Variants in SGCD observed in about 807,000 individuals in gnomAD.
SGCD encodes sarcoglycan delta.
SGCD carries 18 observed loss-of-function variants against 36.6 expected under a neutral mutation model. The observed-to-expected ratio is 0.49, with a 90% CI of 0.34 to 0.73. The LOEUF (loss-of-function observed/expected upper bound fraction) is 0.73. SGCD is among the 30% of genes least tolerant of loss of function. The probability of loss-of-function intolerance (pLI) is 0.01; values close to 1 mark genes in which losing one functional copy is unlikely to be tolerated. For synonymous variants in SGCD, 133 were observed against 130.6 expected (o/e 1.02, Z -0.12); for missense variants, 387 against 346.7 (o/e 1.12, Z -0.92).
the SGCD span, among the ~76,000 whole-genome samples, chr5:155,764,671 C>A: frequency 6.6e-6 from 1 of 152,044 alleles, no homozygotes; most frequent in Admixed American, 6.6e-5. Context: ...GACCAACCTC[C>A]GCATCTGTAG....
chr5:155,748,706 A>G, the SGCD span, among the ~76,000 whole-genome samples: 2 of 152,196 alleles, frequency 1.3e-5, no homozygotes, highest in Non-Finnish European at 2.9e-5. Flanking sequence ...CCACAAAGAG[A>G]CTGAAAGTCA....
chr5:156,212,413 A>G (rs762055416), intron 3 of SGCD, among the ~76,000 whole-genome samples: 1 of 152,230 alleles, frequency 6.6e-6, no homozygotes, highest in Non-Finnish European at 1.5e-5. Flanking sequence ...AGGTCATTAT[A>G]TAGTGATAAA....
intron 3 of SGCD, among the ~76,000 whole-genome samples, chr5:156,394,449 T>G (rs1771749194): frequency 6.6e-6 from 1 of 152,024 alleles, no homozygotes; most frequent in African/African-American, 2.4e-5. Flanking sequence ...TACGAGAGAT[T>G]GTAAGAGGTA....
the SGCD span, among the ~76,000 whole-genome samples, chr5:155,795,657 A>C: frequency 0.013 from 1,910 of 152,296 alleles, 13 homozygotes; most frequent in Non-Finnish European, 0.02. Flanking sequence ...TAGTTCAATA[A>C]TCTCATAGAA....
At chr5:155,956,613 G>A (rs929027821) in intron 1 of SGCD, among the ~76,000 whole-genome samples, 14 of 152,052 alleles carry the variant, frequency 9.2e-5, no homozygotes, top group Admixed American at 1.3e-4. Context: ...GCCAGAAATC[G>A]AAAGTCAAGG....
chr5:156,322,813 G>T, upstream of SGCD, among the ~76,000 whole-genome samples: 1 of 152,226 alleles, frequency 6.6e-6, no homozygotes, highest in Non-Finnish European at 1.5e-5. Flanking sequence ...CAGACCAGTT[G>T]AGGGTTGCTG....
Position 156,423,695 on chromosome 5 carries a change from C to T in SGCD, c.192+79018C>T, listed in dbSNP as rs1052031840. On this transcript the variant is annotated intron_variant, in intron 3 of 8. Transcript: ENST00000337851. Reference sequence around the variant, plus strand: ...ACCCAAGATCCAATGATCACACAGGCCCAGGCTAAACTTCAGCATCCTGAA... The same window carrying T: ...ACCCAAGATCCAATGATCACACAGGTCCAGGCTAAACTTCAGCATCCTGAA... Among the ~76,000 whole-genome samples the T allele has an allele frequency of 2.0e-5, 3 of 151,626 alleles. No individual in the cohort carries two copies. The South Asian group carries it at 6.2e-4, about 31-fold the overall frequency.
intron 4 of SGCD, among the ~76,000 whole-genome samples, chr5:156,573,959 T>C (rs564491057): frequency 5.9e-4 from 90 of 152,272 alleles, no homozygotes; most frequent in Non-Finnish European, 1.1e-3. Context: ...TCCCAGAGCA[T>C]TGGGATTACA....
chr5:156,570,468 C>A (rs960651691), intron 4 of SGCD, among the ~76,000 whole-genome samples: 1 of 152,268 alleles, frequency 6.6e-6, no homozygotes, highest in Non-Finnish European at 1.5e-5. Context: ...ATACTTCTGA[C>A]AACTTTTAAT....
the SGCD span, among the ~76,000 whole-genome samples, chr5:155,800,246 G>A: frequency 6.6e-6 from 1 of 152,028 alleles, no homozygotes; most frequent in Non-Finnish European, 1.5e-5. Context: ...GTGTTGTTTT[G>A]TTGCTCAATG....
rs531756899 is a variant in SGCD at position 156,152,824 on chromosome 5, A to C, written c.-44+28805A>C. On this transcript the variant is annotated intron_variant, in intron 3 of 9. Coordinates refer to the SGCD transcript ENST00000517913. ...TAACTTCTTGAAGAAAATGCAACCA[A>C]AGTATCCTTTGACCAATCAATCAAT... is the stretch of plus-strand genomic sequence containing the variant. Among the ~76,000 whole-genome samples the C allele has an allele frequency of 1.2e-3, 184 of 151,750 alleles. 8 individuals carry two copies. Among genetic ancestry groups the C allele is most frequent in the African/African-American group, 4.2e-3 (174 of 41,068 alleles).
intron 4 of SGCD, among the ~76,000 whole-genome samples, chr5:156,529,868 A>C (rs1757812987): frequency 1.3e-5 from 2 of 152,218 alleles, no homozygotes; most frequent in African/African-American, 4.8e-5. Flanking sequence ...TGACTGTGGG[A>C]CTTTGCATTT....
At chr5:156,282,078 A>G (rs1336026257) in intron 3 of SGCD, among the ~76,000 whole-genome samples, 1 of 152,110 alleles carries the variant, frequency 6.6e-6, no homozygotes, top group Non-Finnish European at 1.5e-5. Context: ...TACATCTGAA[A>G]TGTTAAGTCT....
chr5:156,432,208 GTAGA>G (rs1407229278), intron 3 of SGCD, among the ~76,000 whole-genome samples: 4 of 152,212 alleles, frequency 2.6e-5, no homozygotes, highest in Admixed American at 6.5e-5. Flanking sequence ...TTCCTCCATT[GTAGA>G]TAGGCTAATG....
At chr5:155,825,875 A>G in the SGCD span, among the ~76,000 whole-genome samples, 1 of 151,982 alleles carries the variant, frequency 6.6e-6, no homozygotes, top group Non-Finnish European at 1.5e-5. Flanking sequence ...CAGCCTCTCA[A>G]GTAGCTGGGA....
chr5:155,730,119 A>G, the SGCD span, among the ~76,000 whole-genome samples: 1 of 152,154 alleles, frequency 6.6e-6, no homozygotes, highest in Non-Finnish European at 1.5e-5. Context: ...TAAGAGCTGG[A>G]TGGAAGAAAT....
At chr5:155,999,931 T>G (rs1172771774) in intron 1 of SGCD, among the ~76,000 whole-genome samples, 3 of 152,220 alleles carry the variant, frequency 2.0e-5, no homozygotes, top group African/African-American at 7.2e-5. Flanking sequence ...GTATGAAGAT[T>G]TAAACGTTAT....
At chr5:156,597,667 T>C (rs537110615) in intron 6 of SGCD, among the ~76,000 whole-genome samples, 9 of 152,144 alleles carry the variant, frequency 5.9e-5, no homozygotes, top group African/African-American at 2.2e-4. Context: ...GACATTGGAG[T>C]CTTAGTATAG....
Position 156,763,716 on chromosome 5 carries a change from G to A in SGCD, c.*4326G>A, listed in dbSNP as rs1421434832. The A allele has an allele frequency of 4.7e-5, 7 of 149,382 alleles. No homozygotes were observed. Among genetic ancestry groups the A allele is most frequent in the South Asian group, 4.2e-4 (2 of 4,762 alleles). 9.3% of individuals were successfully genotyped at this position (149,382 alleles called of 1,614,324 possible). A position where few individuals can be genotyped will look rare whatever the true frequency, so the allele number is the denominator to read the frequency against. Reference sequence around the variant, plus strand: ...CATCCAGGGTTTCATACTCAATATCGCTTAAAAAAAAAAAAGTATCAGCTA... The same window carrying A: ...CATCCAGGGTTTCATACTCAATATCACTTAAAAAAAAAAAAGTATCAGCTA... On this transcript the variant is annotated 3_prime_UTR_variant, in exon 9 of 9. Transcript: ENST00000337851.
Sources: gnomAD v4.1 joint callset for allele counts (sites outside exome capture counted in the v4.1 genomes callset) on GRCh38, gnomAD v4.1.1 for gene constraint, MANE v1.5 for transcripts, NCBI Gene and HGNC (gene_info 2026-07-23, HGNC 2026-07-21) for gene names.